Variants in WIPI1 observed in about 807,000 individuals in gnomAD.
WIPI1 encodes the protein WD repeat domain, phosphoinositide interacting 1.
In WIPI1, 45 loss-of-function variants were observed where a neutral mutation model predicts 55.3. That is an observed-to-expected ratio of 0.81 (90% CI 0.64 to 1.04). The LOEUF is 1.04. Among genes scored for constraint, WIPI1 ranks in the 50% least tolerant of loss-of-function variants. The pLI is 0.00. For missense variants in WIPI1, 445 were observed against 559.0 expected (o/e 0.80, Z 2.06); for synonymous variants, 195 against 217.6 (o/e 0.90, Z 0.92).
chr17:68,447,853 C>T (rs544395901), intron 3 of WIPI1, among the ~76,000 whole-genome samples: 2 of 151,782 alleles, frequency 1.3e-5, no homozygotes, highest in South Asian at 2.1e-4. Flanking sequence ...ATTAGCCGGG[C>T]GTGGTGGCAG....
intron 10 of WIPI1, 35 bp downstream of exon 10, chr17:68,428,794 T>C (rs759876065): frequency 1.3e-6 from 2 of 1,541,824 alleles, no homozygotes; most frequent in Non-Finnish European, 1.8e-6. Context: ...CGACCAGCTC[T>C]CGAAAGGCTG....
At chr17:68,430,859 T>G (rs2083477047) in intron 8 of WIPI1, among the ~76,000 whole-genome samples, 1 of 152,202 alleles carries the variant, frequency 6.6e-6, no homozygotes, top group Non-Finnish European at 1.5e-5. Flanking sequence ...AGCAGGCAAC[T>G]GCTGAGAGGC....
At chr17:68,430,852 A>G (rs1241682342) in intron 8 of WIPI1, among the ~76,000 whole-genome samples, 1 of 152,226 alleles carries the variant, frequency 6.6e-6, no homozygotes, top group Non-Finnish European at 1.5e-5. Context: ...TCCCAGGAGC[A>G]GGCAACTGCT....
At chr17:68,453,942 G>C (rs2084583412) in intron 1 of WIPI1, among the ~76,000 whole-genome samples, 1 of 152,136 alleles carries the variant, frequency 6.6e-6, no homozygotes, top group Non-Finnish European at 1.5e-5. Context: ...TGAAGTTCAA[G>C]TATTCTAATG....
intron 4 of WIPI1, among the ~76,000 whole-genome samples, chr17:68,437,036 G>A (rs897874003): frequency 1.2e-4 from 14 of 118,796 alleles, no homozygotes; most frequent in East Asian, 1.1e-3. Context: ...GTGTGTGTGT[G>A]TATATATTGC....
rs1338891590 is a variant in WIPI1, at chr17:68,423,431, G to C, written c.1294-1611C>G. Among the ~76,000 whole-genome samples the C allele has an allele frequency of 6.6e-6, 1 of 152,314 alleles. No homozygotes were observed. The highest frequency in any genetic ancestry group is 1.9e-4 in the East Asian group (1 of 5,176). ...GCCCCTCATCACCATCTACCTGCAGGCTGGAGGGCAGACTGAGAGGTTGGT... is the reference window on the plus strand; with the variant it reads ...GCCCCTCATCACCATCTACCTGCAGCCTGGAGGGCAGACTGAGAGGTTGGT... On this transcript the variant is annotated intron_variant, in intron 12 of 12. Coordinates refer to ENST00000262139, the MANE Select transcript of WIPI1 (RefSeq NM_017983.7). This position sits in a 1 kb window ranked among gnomAD's most constrained non-coding sequence, Gnocchi z 4.4.
chr17:68,455,095 G>A (rs181302171), intron 1 of WIPI1, among the ~76,000 whole-genome samples: 409 of 152,196 alleles, frequency 2.7e-3, no homozygotes, highest in Non-Finnish European at 4.0e-3. Flanking sequence ...GGCATAGTGT[G>A]TCACATCTGT....
intron 4 of WIPI1, among the ~76,000 whole-genome samples, chr17:68,441,798 T>A (rs542711264): frequency 6.6e-6 from 1 of 152,302 alleles, no homozygotes; most frequent in African/African-American, 2.4e-5. Context: ...GAAAGGGAGC[T>A]CAGGAGAAGT....
intron 3 of WIPI1, among the ~76,000 whole-genome samples, chr17:68,446,811 TC>T (rs1357587137): frequency 6.6e-6 from 1 of 152,156 alleles, no homozygotes; most frequent in Admixed American, 6.6e-5. Context: ...TGCATTTTTT[TC>T]CCAAGAGCTC....
chr17:68,444,629 T>G, intron 3 of WIPI1, 40 bp from the exon 4 acceptor site: 1 of 1,552,808 alleles, frequency 6.4e-7, no homozygotes, highest in South Asian at 1.2e-5. Context: ...GAACCGTTCC[T>G]TACAAAGACC....
intron 4 of WIPI1, among the ~76,000 whole-genome samples, chr17:68,441,862 A>G (rs2084093335): frequency 2.0e-5 from 3 of 152,214 alleles, no homozygotes; most frequent in Admixed American, 2.0e-4. Flanking sequence ...TATATCTCCA[A>G]AGAACATCAG....
intron 4 of WIPI1, 140 bp from the exon 5 acceptor site, chr17:68,436,619 G>A (rs1172968833): frequency 2.9e-6 from 2 of 696,272 alleles, no homozygotes; most frequent in African/African-American, 1.8e-5. Context: ...ACTGCTTTCC[G>A]CTGATGATTC....
At chr17:68,452,783 C>T in intron 2 of WIPI1, 127 bp downstream of exon 2, 1 of 709,302 alleles carries the variant, frequency 1.4e-6, no homozygotes, top group South Asian at 2.1e-5. Context: ...ATCTAAAAAT[C>T]TTGACTCCCT....
chr17:68,455,549 G>C (rs1482232461), intron 1 of WIPI1, among the ~76,000 whole-genome samples: 2 of 152,120 alleles, frequency 1.3e-5, no homozygotes, highest in Non-Finnish European at 2.9e-5. Flanking sequence ...TAAGGGGCTT[G>C]ACTTATTTTA....
At chr17:68,427,051 G>A in intron 11 of WIPI1, 84 bp downstream of exon 11, 4 of 1,160,094 alleles carry the variant, frequency 3.4e-6, no homozygotes, top group Non-Finnish European at 3.8e-6. Context: ...TAACAGTGAA[G>A]GGGGAAGGGG....
chr17:68,446,780 T>C (rs2084303309), intron 3 of WIPI1, among the ~76,000 whole-genome samples: 1 of 152,164 alleles, frequency 6.6e-6, no homozygotes, highest in Non-Finnish European at 1.5e-5. Flanking sequence ...AGCATCTACA[T>C]CTAGCCCATC....
At chr17:68,424,584 C>A (rs748613388) in intron 12 of WIPI1, 1 of 502,176 alleles carries the variant, frequency 2.0e-6, no homozygotes, top group Non-Finnish European at 4.1e-6. Flanking sequence ...TTGGCCCAAA[C>A]ACTACTTCCG....
Position 68,436,663 on chromosome 17 carries a change from A to AG in WIPI1, c.431-185dup, listed in dbSNP as rs776045360. Among the ~76,000 whole-genome samples the AG allele has an allele frequency of 3.2e-4, 49 of 152,310 alleles. 1 individual carries two copies. Among genetic ancestry groups the AG allele is most frequent in the South Asian group, 8.3e-4 (4 of 4,830 alleles). On this transcript the variant is annotated intron_variant, in intron 4 of 12. Transcript: ENST00000262139. ...AAGGCTTCCAATAAAGCAACTTCAC[A>AG]GGGGAAGACCTCCTGATTTAACACT...
chr17:68,429,010 C>T (rs1250193018), intron 9 of WIPI1, 74 bp from the exon 10 acceptor site: 1 of 1,132,870 alleles, frequency 8.8e-7, no homozygotes, highest in East Asian at 2.5e-5. Flanking sequence ...TGACAAAGCC[C>T]CCCTCACCCT....
Sources: allele counts gnomAD v4.1 joint callset (sites outside exome capture counted in the v4.1 genomes callset), GRCh38; gene constraint gnomAD v4.1.1; non-coding constraint Gnocchi (gnomAD v3.1); transcripts MANE v1.5; gene names NCBI Gene and HGNC (gene_info 2026-07-23, HGNC 2026-07-21).